PNMA2: variants seen among roughly 807,000 people sequenced by gnomAD.
The protein encoded by PNMA2 is paraneoplastic antigen Ma2.
For synonymous variants in PNMA2, 175 were observed against 183.5 expected (o/e 0.95, Z 0.38); for missense variants, 455 against 452.9 (o/e 1.00, Z -0.04).
chr8:26,507,613 T>G lies in PNMA2; in HGVS notation c.*48A>C. The G allele has an allele frequency of 6.7e-7, 1 of 1,496,544 alleles. No homozygotes were observed. The highest frequency in any genetic ancestry group is 8.9e-7 in the Non-Finnish European group (1 of 1,123,306). 92.7% of individuals were successfully genotyped at this position (1,496,544 alleles called of 1,614,324 possible). ...TCCCATACATTAAAGAAAAAAATTT[T>G]TTAAAGGTCTTAGCCCACTGGCTGT... On this transcript the variant is annotated 3_prime_UTR_variant, in exon 3 of 3. Coordinates refer to ENST00000522362, the MANE Select transcript of PNMA2 (RefSeq NM_007257.6).
rs1253520610 is a variant in PNMA2, at chr8:26,508,412, T to G, written c.344A>C (p.Gln115Pro). Residue 115 changes from glutamine to proline, a missense_variant, in exon 3 of 3, where the codon CAG becomes CCG. Physicochemically the swap from Gln to Pro is moderately conservative, Grantham distance 76. Coordinates refer to ENST00000522362, the MANE Select transcript of PNMA2 (RefSeq NM_007257.6). This position sits in a 1 kb window ranked among gnomAD's most constrained non-coding sequence, Gnocchi z 5.5. ...GGCTCGAAACATACCCGAGACCGTC[T>G]GCCCCTCTTTTTCTAGAAACAGGTT... ...RLNLFLEKEG[Q>P]TVSGMFRALG... 1.2e-6 allele frequency: 2 copies of G among 1,614,142 alleles called. No individual in the cohort carries two copies. The highest frequency in any genetic ancestry group is 2.7e-5 in the African/African-American group (2 of 74,958).
rs1444830851 is a variant in PNMA2, at chr8:26,508,571, G to A, written c.185C>T (p.Ala62Val). 5.0e-6 allele frequency: 8 copies of A among 1,614,150 alleles called. No individual in the cohort carries two copies. Among genetic ancestry groups the A allele is most frequent in the Non-Finnish European group, 6.8e-6 (8 of 1,180,030 alleles). Reference protein sequence around the residue: ...LGKIFRKQENANAVLLELLED... With the variant: ...LGKIFRKQENVNAVLLELLED... ...CAGAAGCTCTAGTAAGACAGCATTG[G>A]CATTCTCCTGCTTCCGGAATATCTT... Residue 62 changes from alanine to valine, a missense_variant, in exon 3 of 3, where the codon GCC (alanine) becomes GTC (valine). Physicochemically the swap from Ala to Val is moderately conservative, Grantham distance 64 (BLOSUM62 0). Transcript: ENST00000522362. This position sits in a 1 kb window ranked among gnomAD's most constrained non-coding sequence, Gnocchi z 5.5.
chr8:26,508,072 G>A lies in PNMA2; in HGVS notation c.684C>T (p.Ile228=), dbSNP rs1255665513. 6.2e-7 allele frequency: 1 copy of A among 1,614,230 alleles called. No individual in the cohort carries two copies. Among genetic ancestry groups the A allele is most frequent in the Non-Finnish European group, 8.5e-7 (1 of 1,180,042 alleles). Residue 228 remains isoleucine (I), a synonymous_variant, in exon 3 of 3, where the codon ATC becomes ATT. Transcript: ENST00000522362. The surrounding 1 kb of genome is among the most constrained non-coding windows in gnomAD (Gnocchi z 5.5). ...AGGCCTCCAAACACTCTTCTACACT[G>A]ATGGACGGGTTGTCTGCCTGCACTA... ...MHIVQADNPS[I]SVEECLEAFK...
chr8:26,512,169 T>C (rs1298101091), intron 1 of PNMA2, among the ~76,000 whole-genome samples: 1 of 152,256 alleles, frequency 6.6e-6, no homozygotes, highest in African/African-American at 2.4e-5. Flanking sequence ...ACCTTGGCTA[T>C]GCGCCCCAAG....
intron 1 of PNMA2, among the ~76,000 whole-genome samples, chr8:26,510,341 A>C (rs1375109195): frequency 6.6e-6 from 1 of 152,216 alleles, no homozygotes; most frequent in Non-Finnish European, 1.5e-5. Context: ...GACCCAAATA[A>C]ACCTCTTTTC....
chr8:26,511,813 CT>C (rs1808160531), intron 1 of PNMA2: 1 of 152,204 alleles, frequency 6.6e-6, no homozygotes, highest in Non-Finnish European at 1.5e-5. Context: ...TGGGGGCAAC[CT>C]TCCTCCCCAC....
rs769956643 is a variant in PNMA2, at chr8:26,505,704, G to C, written c.*1957C>G. 1 of 152,224 alleles carries C rather than the reference G, an allele frequency of 6.6e-6. No homozygotes were observed. The highest frequency in any genetic ancestry group is 1.5e-5 in the Non-Finnish European group (1 of 68,054). The allele number at this position is 152,224 out of a possible 1,614,324, so 9.4% of individuals were successfully genotyped here. On this transcript the variant is annotated 3_prime_UTR_variant, in exon 3 of 3. Transcript: ENST00000522362. ...GCTGCATTTACTAGAGACTTAAAGAGTTTAGCCCAGGCATGGTGGCTCACA... is the reference window on the plus strand; with the variant it reads ...GCTGCATTTACTAGAGACTTAAAGACTTTAGCCCAGGCATGGTGGCTCACA...
chr8:26,510,556 C>T (rs79336411), intron 1 of PNMA2, among the ~76,000 whole-genome samples: 4,260 of 152,252 alleles, frequency 0.028, 213 homozygotes, highest in African/African-American at 0.096. Context: ...TCAAGCAATC[C>T]TCCCACCTCG....
Position 26,508,000 on chromosome 8 carries a change from C to T in PNMA2, c.756G>A (p.Val252=), listed in dbSNP as rs762667964. The part of the protein sequence containing the change: ...GSLESRRTAQ[V]RYLKTYQEEG... Reference sequence around the variant, plus strand: ...CCTCCTGATAGGTCTTCAGATACCTCACCTGGGCTGTCCTGCGGCTCTCTA... The same window carrying T: ...CCTCCTGATAGGTCTTCAGATACCTTACCTGGGCTGTCCTGCGGCTCTCTA... The change falls in exon 3 of 3, where the codon GTG becomes GTA. Residue 252 remains valine (V), a synonymous_variant. Transcript: ENST00000522362. The T allele has an allele frequency of 7.4e-6, 12 of 1,614,250 alleles. No individual in the cohort carries two copies. The highest frequency in any genetic ancestry group is 1.0e-5 in the Non-Finnish European group (12 of 1,180,042).
chr8:26,508,249 T>C lies in PNMA2; in HGVS notation c.507A>G (p.Ser169=). Residue 169 remains serine, a synonymous_variant, in exon 3 of 3, where the codon TCA becomes TCG. Transcript: ENST00000522362. This position sits in a 1 kb window ranked among gnomAD's most constrained non-coding sequence, Gnocchi z 5.5. ...CCTCTGGGGCTGGGACAGCACTCCC[T>C]GAGAATACTCGCAGTTTCCGGTATC... ...PMRYRKLRVF[S]GSAVPAPEEE... is the part of the protein sequence containing the mutation. 1 of 1,602,780 alleles carries C rather than the reference T, an allele frequency of 6.2e-7. No individual in the cohort carries two copies. The highest frequency in any genetic ancestry group is 8.5e-7 in the Non-Finnish European group (1 of 1,174,188).
In PNMA2 at chr8:26,508,790, C is replaced by A; in HGVS notation, c.-35G>T. On this transcript the variant is annotated 5_prime_UTR_variant, in exon 3 of 3. Transcript: ENST00000522362. This position sits in a 1 kb window ranked among gnomAD's most constrained non-coding sequence, Gnocchi z 5.5. ...AATTGACCCACTCTGACTCTACAGG[C>A]ACCAATTTGTTAGTGGTGCAGCTAT... is the stretch of plus-strand genomic sequence containing the variant. The A allele has an allele frequency of 6.4e-7, 1 of 1,572,228 alleles. No homozygotes were observed. Among genetic ancestry groups the A allele is most frequent in the Non-Finnish European group, 8.6e-7 (1 of 1,161,670 alleles).
At chr8:26,510,832 G>C (rs991459765) in intron 1 of PNMA2, among the ~76,000 whole-genome samples, 4 of 152,190 alleles carry the variant, frequency 2.6e-5, no homozygotes, top group African/African-American at 9.7e-5. Context: ...TTGTTCTGGA[G>C]AACCTGTGAG....
rs747413113 is a variant in PNMA2, at chr8:26,510,362, A to T, written c.-618-685T>A. ...AATAAACCTCTTTTCTTTATAAATT[A>T]TCCAGCCTCAGGTATTCCTTTATAG... is the stretch of plus-strand genomic sequence containing the variant. On this transcript the variant is annotated intron_variant, in intron 1 of 2. Transcript: ENST00000522362. Among the ~76,000 whole-genome samples the T allele has an allele frequency of 8.5e-5, 13 of 152,216 alleles. 1 individual carries two copies. The highest frequency in any genetic ancestry group is 1.6e-4 in the Non-Finnish European group (11 of 68,034).
At position 26,507,770 on chromosome 8, in the gene PNMA2, T is replaced by C. The variant is rs781429610; in HGVS notation, c.986A>G (p.Lys329Arg). Residue 329 changes from lysine to arginine, a missense_variant, in exon 3 of 3, where the codon AAG (lysine) becomes AGG (arginine). By Grantham distance (26) the Lys-to-Arg change is conservative (BLOSUM62 2). Transcript: ENST00000522362. The part of the protein sequence containing the change: ...GPPPSFLELM[K>R]VIREEEEEEA... ...TTCCTCCTCTTCTTCCCGTATTACC[T>C]TCATTAGCTCAAGGAAGCTGGGGGG... is the stretch of plus-strand genomic sequence containing the variant. The C allele has an allele frequency of 5.6e-6, 9 of 1,613,456 alleles. 1 individual carries two copies. The African/African-American group carries it at 8.0e-5, about 14-fold the overall frequency.
Position 26,507,267 on chromosome 8 carries a change from A to G in PNMA2, c.*394T>C, listed in dbSNP as rs887260676. 1 of 156,890 alleles carries G rather than the reference A, an allele frequency of 6.4e-6. No homozygotes were observed. Among genetic ancestry groups the G allele is most frequent in the African/African-American group, 2.4e-5 (1 of 41,626 alleles). The allele number at this position is 156,890 out of a possible 1,614,324, so 9.7% of individuals were successfully genotyped here. ...AACACAGCAAAACCCTGTCTCTACC[A>G]AAAATACAAAAGAATAGCTAGGCAT... On this transcript the variant is annotated 3_prime_UTR_variant, in exon 3 of 3. Transcript: ENST00000522362.
rs758688247 is a variant in PNMA2, at chr8:26,508,240, A to C, written c.516T>G (p.Ala172=). The part of the protein sequence containing the change: ...YRKLRVFSGS[A]VPAPEEESFE... ...AGGACTCTTCCTCTGGGGCTGGGAC[A>C]GCACTCCCTGAGAATACTCGCAGTT... Residue 172 remains alanine, a synonymous_variant, in exon 3 of 3, where the codon GCT becomes GCG. Coordinates refer to ENST00000522362, the MANE Select transcript of PNMA2 (RefSeq NM_007257.6). The surrounding 1 kb of genome is among the most constrained non-coding windows in gnomAD (Gnocchi z 5.5). 1.2e-6 allele frequency: 2 copies of C among 1,604,914 alleles called. 1 individual carries two copies. Among genetic ancestry groups the C allele is most frequent in the South Asian group, 2.2e-5 (2 of 89,408 alleles).
rs1808100316 is a variant in PNMA2, at chr8:26,508,876, A to G, written c.-121T>C. 1 of 1,510,306 alleles carries G rather than the reference A, an allele frequency of 6.6e-7. No homozygotes were observed. The highest frequency in any genetic ancestry group is 8.8e-7 in the Non-Finnish European group (1 of 1,131,878). The allele number at this position is 1,510,306 out of a possible 1,614,324, so 93.6% of individuals were successfully genotyped here. A position where few individuals can be genotyped will look rare whatever the true frequency, so the allele number is the denominator to read the frequency against. On this transcript the variant is annotated 5_prime_UTR_variant, in exon 3 of 3. Transcript: ENST00000522362. The surrounding 1 kb of genome is among the most constrained non-coding windows in gnomAD (Gnocchi z 5.5). ...TTCTAACCTTAGAACCCACCAATGAATGGGTCCCAGACTAGGTCACTCAAA... is the reference window on the plus strand; with the variant it reads ...TTCTAACCTTAGAACCCACCAATGAGTGGGTCCCAGACTAGGTCACTCAAA...
Position 26,508,145 on chromosome 8 carries a change from C to A in PNMA2, c.611G>T (p.Arg204Met). 6.2e-7 allele frequency: 1 copy of A among 1,614,250 alleles called. No individual in the cohort carries two copies. Among genetic ancestry groups the A allele is most frequent in the Non-Finnish European group, 8.5e-7 (1 of 1,180,044 alleles). Residue 204 changes from arginine (R) to methionine (M), a missense_variant, in exon 3 of 3, where the codon AGG becomes ATG. Arg to Met is a moderately conservative substitution (Grantham distance 91). Coordinates refer to ENST00000522362, the MANE Select transcript of PNMA2 (RefSeq NM_007257.6). This position sits in a 1 kb window ranked among gnomAD's most constrained non-coding sequence, Gnocchi z 5.5. The part of the protein sequence containing the change: ...EWPVTEAEKK[R>M]WLAESLRGPA... ...GCCCCGCAGGCTTTCCGCCAGCCAC[C>A]TTTTCTTTTCTGCCTCTGTTACTGG... is the stretch of plus-strand genomic sequence containing the variant.
chr8:26,511,125 C>T (rs551300434), intron 1 of PNMA2, among the ~76,000 whole-genome samples: 1 of 141,500 alleles, frequency 7.1e-6, no homozygotes, highest in Non-Finnish European at 1.5e-5. Flanking sequence ...GCACTCTAAC[C>T]TGAGTAACAG....
Sources: gnomAD v4.1 joint callset for allele counts (sites outside exome capture counted in the v4.1 genomes callset) on GRCh38, gnomAD v4.1.1 for gene constraint, Gnocchi (gnomAD v3.1) non-coding constraint, MANE v1.5 for transcripts, NCBI Gene and HGNC (gene_info 2026-07-23, HGNC 2026-07-21) for gene names.